Variants in TRIM24 observed in about 807,000 individuals in gnomAD.
The protein encoded by TRIM24 is transcription intermediary factor 1-alpha.
In TRIM24, 29 loss-of-function variants were observed where a neutral mutation model predicts 123.9. That is an observed-to-expected ratio of 0.23 (90% confidence interval 0.17 to 0.32). TRIM24 has a LOEUF of 0.32. TRIM24 is among the 10% of genes least tolerant of loss of function. The pLI is 1.00. For missense variants in TRIM24, 932 were observed against 1,295.3 expected (o/e 0.72, Z 4.31); for synonymous variants, 456 against 461.1 (o/e 0.99, Z 0.14).
chr7:138,466,864 T>C (rs1795153437), intron 1 of TRIM24, among the ~76,000 whole-genome samples: 1 of 152,218 alleles, frequency 6.6e-6, no homozygotes. Context: ...TAACAATTTT[T>C]TGCCTACCCC....
At chr7:138,510,703 T>A (rs1444643568) in intron 2 of TRIM24, among the ~76,000 whole-genome samples, 1 of 152,224 alleles carries the variant, frequency 6.6e-6, no homozygotes, top group Non-Finnish European at 1.5e-5. Context: ...ATTACAGATG[T>A]GAGCCACTGT....
chr7:138,460,506 G>A lies in TRIM24; in HGVS notation c.-43G>A, dbSNP rs2069682733. 7.9e-7 allele frequency: 1 copy of A among 1,260,674 alleles called. No individual in the cohort carries two copies. Among genetic ancestry groups the A allele is most frequent in the Non-Finnish European group, 9.9e-7 (1 of 1,007,634 alleles). 78.1% of individuals were successfully genotyped at this position (1,260,674 alleles called of 1,614,324 possible). ...AGGAGGTCGTCGGGGGCGGCGGGCG[G>A]AGACCGCGCTCTCGCTTCCCCGGCG... On this transcript the variant is annotated 5_prime_UTR_variant, in exon 1 of 19. Transcript: ENST00000343526.
At chr7:138,547,904 A>G (rs1326241127) in intron 7 of TRIM24, among the ~76,000 whole-genome samples, 1 of 152,208 alleles carries the variant, frequency 6.6e-6, no homozygotes, top group Non-Finnish European at 1.5e-5. Flanking sequence ...TTGGCGTCCC[A>G]AAGTGTTGGG....
At chr7:138,519,889 A>C (rs1255250889) in intron 4 of TRIM24, among the ~76,000 whole-genome samples, 1 of 152,164 alleles carries the variant, frequency 6.6e-6, no homozygotes, top group Non-Finnish European at 1.5e-5. Context: ...ACAGTCATTC[A>C]AAGGTCAGCA....
intron 8 of TRIM24, among the ~76,000 whole-genome samples, chr7:138,552,555 TG>T (rs1797233246): frequency 6.6e-6 from 1 of 151,936 alleles, no homozygotes; most frequent in Non-Finnish European, 1.5e-5. Context: ...ATGATTTTGG[TG>T]GGGGGTTGGG....
intron 2 of TRIM24, among the ~76,000 whole-genome samples, chr7:138,512,365 G>C (rs561033878): frequency 6.6e-6 from 1 of 152,200 alleles, no homozygotes; most frequent in East Asian, 1.9e-4. Context: ...TGGTGACTCT[G>C]TGTGGGTGCT....
chr7:138,577,448 G>C lies in TRIM24; in HGVS notation c.2116G>C (p.Ala706Pro). Residue 706 changes from alanine to proline, a missense_variant, in exon 14 of 19, where the codon GCT (alanine) becomes CCT (proline). Physicochemically the swap from Ala to Pro is conservative, Grantham distance 27. Around this residue, in one of 7 missense-constraint regions of TRIM24, gnomAD observed 527 missense variants for 691.3 expected, o/e 0.76. Coordinates refer to ENST00000343526, the MANE Select transcript of TRIM24 (RefSeq NM_015905.3). ...SSGSSSKPAG[A>P]DSTHKVPVVM... ...TGGCTCTTCCAGCAAACCAGCAGGAGCTGACTCTACACACAAAGTCCCAGT... is the reference window on the plus strand; with the variant it reads ...TGGCTCTTCCAGCAAACCAGCAGGACCTGACTCTACACACAAAGTCCCAGT... 6.3e-7 allele frequency: 1 copy of C among 1,588,322 alleles called. No homozygotes were observed. The highest frequency in any genetic ancestry group is 8.6e-7 in the Non-Finnish European group (1 of 1,168,788).
intron 2 of TRIM24, chr7:138,514,970 C>T: frequency 2.8e-6 from 1 of 357,934 alleles, no homozygotes; most frequent in Non-Finnish European, 5.1e-6. Context: ...TTGGGAAATA[C>T]CTAGTTGAAA....
chr7:138,508,167 C>T (rs921031222), intron 2 of TRIM24, among the ~76,000 whole-genome samples: 2 of 152,144 alleles, frequency 1.3e-5, no homozygotes, highest in African/African-American at 4.8e-5. Context: ...GTTTTTGTTG[C>T]ATAAACTGAG....
chr7:138,530,078 T>C (rs1031828662), intron 6 of TRIM24, among the ~76,000 whole-genome samples: 7 of 152,162 alleles, frequency 4.6e-5, no homozygotes, highest in African/African-American at 9.7e-5. Flanking sequence ...GAAAGCATGG[T>C]CATTCCTGTG....
At position 138,573,654 on chromosome 7, in the gene TRIM24, T is replaced by C. The variant is rs764589068; in HGVS notation, c.2014+12T>C. Reference sequence around the variant, plus strand: ...TCCAGGCCTTGCAGGTAAAGTGGGCTTCTTTTGATTTTTGTGAAAGTTTTT... The same window carrying C: ...TCCAGGCCTTGCAGGTAAAGTGGGCCTCTTTTGATTTTTGTGAAAGTTTTT... On this transcript the variant is annotated intron_variant, in intron 12 of 18. Transcript: ENST00000343526. 14 of 1,587,140 alleles carry C rather than the reference T, an allele frequency of 8.8e-6. No homozygotes were observed. In the South Asian group the frequency reaches 1.6e-4, roughly 19 times the overall value.
chr7:138,584,596 G>T (rs1797973914), intron 18 of TRIM24, 146 bp from the exon 19 acceptor site: 7 of 555,346 alleles, frequency 1.3e-5, no homozygotes, highest in Non-Finnish European at 1.8e-5. Flanking sequence ...ATTTTAGCTG[G>T]CCTTCTGTAC....
chr7:138,575,756 C>G (rs1423384303), intron 12 of TRIM24, among the ~76,000 whole-genome samples: 1 of 152,062 alleles, frequency 6.6e-6, no homozygotes. Flanking sequence ...CTTCCTTGTT[C>G]CAGTCTACAC....
intron 4 of TRIM24, among the ~76,000 whole-genome samples, chr7:138,524,632 G>A (rs1311101664): frequency 2.6e-5 from 4 of 151,950 alleles, no homozygotes; most frequent in African/African-American, 7.2e-5. Context: ...CTTCTATATC[G>A]TTGCCTTTCT....
At chr7:138,538,911 A>G (rs1215477648) in intron 7 of TRIM24, 108 bp downstream of exon 7, 2 of 966,478 alleles carry the variant, frequency 2.1e-6, no homozygotes, top group Admixed American at 3.1e-5. Flanking sequence ...CTTTTTACCT[A>G]TTTCTAATAT....
At chr7:138,575,631 T>A (rs1187340293) in intron 12 of TRIM24, among the ~76,000 whole-genome samples, 1 of 152,284 alleles carries the variant, frequency 6.6e-6, no homozygotes, top group Non-Finnish European at 1.5e-5. Context: ...GAATTTTTTT[T>A]CTACTTCCCA....
At chr7:138,508,706 T>C (rs867723636) in intron 2 of TRIM24, among the ~76,000 whole-genome samples, 821 of 26,266 alleles carry the variant, frequency 0.031, 4 homozygotes, top group Middle Eastern at 0.074. Context: ...CGCGCGTGTG[T>C]GCGTGTGTGT....
chr7:138,462,134 G>GGATACATATTATCCAGTATAATAAGA (rs1255927040), intron 1 of TRIM24, among the ~76,000 whole-genome samples: 2 of 152,066 alleles, frequency 1.3e-5, no homozygotes, highest in South Asian at 2.1e-4. Flanking sequence ...CAAAAGGCGG[G>GGATACATATTATCCAGTATAATAAGA]GATACATATT....
chr7:138,473,967 C>T (rs1303973234), intron 1 of TRIM24, among the ~76,000 whole-genome samples: 2 of 151,846 alleles, frequency 1.3e-5, no homozygotes, highest in Non-Finnish European at 2.9e-5. Flanking sequence ...GACGGGATCT[C>T]CCTACATTGC....
Sources: allele counts gnomAD v4.1 joint callset (sites outside exome capture counted in the v4.1 genomes callset), GRCh38; gene constraint gnomAD v4.1.1; regional missense constraint gnomAD v4.1.1; transcripts MANE v1.5; gene names NCBI Gene and HGNC (gene_info 2026-07-23, HGNC 2026-07-21).